The following MAN2A1 variants were observed in gnomAD, a reference collection of about 807,000 sequenced individuals.
MAN2A1 encodes the protein alpha-mannosidase 2.
Under a neutral mutation model 142.6 loss-of-function variants are expected in MAN2A1, and 76 were observed. The observed-to-expected ratio is 0.53, with a 90% CI of 0.44 to 0.65. The LOEUF (loss-of-function observed/expected upper bound fraction) is 0.65. Ranked by LOEUF, MAN2A1 falls within the 30% of genes least tolerant of loss-of-function variation. MAN2A1 has a pLI of 0.00. For missense variants in MAN2A1, 1,311 were observed against 1,365.1 expected, an observed-to-expected ratio of 0.96 and a Z score of 0.62; for synonymous variants, 559 against 473.2, an observed-to-expected ratio of 1.18 and a Z score of -2.35.
intron 12 of MAN2A1, among the ~76,000 whole-genome samples, chr5:109,790,515 A>C (rs980323861): frequency 2.6e-5 from 4 of 151,992 alleles, no homozygotes; most frequent in Non-Finnish European, 5.9e-5. Flanking sequence ...GTAACACGGC[A>C]GAAGCCTTAG....
chr5:109,822,800 C>T (rs953510491), intron 15 of MAN2A1, among the ~76,000 whole-genome samples: 8 of 152,082 alleles, frequency 5.3e-5, no homozygotes, highest in African/African-American at 1.9e-4. Flanking sequence ...GCCTCAGCCT[C>T]CCGAGTAGCT....
At position 109,865,115 on chromosome 5, in the gene MAN2A1, C is replaced by T. The variant is rs774140890; in HGVS notation, c.3251C>T (p.Thr1084Ile). 1.2e-6 allele frequency: 2 copies of T among 1,613,988 alleles called. No individual in the cohort carries two copies. Among genetic ancestry groups the T allele is most frequent in the Non-Finnish European group, 1.7e-6 (2 of 1,179,898 alleles). Reference sequence around the variant, plus strand: ...GATTGTCGGTTCTCTAGCAAAGGCACAGGGCTGTTTTGTTCTACTACTCAG... The same window carrying T: ...GATTGTCGGTTCTCTAGCAAAGGCATAGGGCTGTTTTGTTCTACTACTCAG... ...GFDCRFSSKG[T>I]GLFCSTTQGK... Residue 1084 changes from threonine (T) to isoleucine (I), a missense_variant, in exon 21 of 22, where the codon ACA becomes ATA. Thr to Ile is a moderately conservative substitution (Grantham distance 89). Around this residue, in one of 3 missense-constraint regions of MAN2A1, gnomAD observed 890 missense variants for 920.5 expected, o/e 0.97. Coordinates refer to ENST00000261483, the MANE Select transcript of MAN2A1 (RefSeq NM_002372.4).
At chr5:109,729,593 G>A (rs1244578803) in intron 4 of MAN2A1, 80 bp downstream of exon 4, 3 of 721,734 alleles carry the variant, frequency 4.2e-6, no homozygotes, top group Non-Finnish European at 6.3e-6. Flanking sequence ...TTTTTAGATG[G>A]TGAAAATTCT....
intron 15 of MAN2A1, among the ~76,000 whole-genome samples, chr5:109,822,928 C>T (rs1345171674): frequency 1.3e-5 from 2 of 152,154 alleles, no homozygotes; most frequent in Admixed American, 1.3e-4. Flanking sequence ...CCGCCCACCT[C>T]GGCCTCCCAA....
chr5:109,804,174 A>G, intron 12 of MAN2A1: 1 of 987,422 alleles, frequency 1.0e-6, no homozygotes, highest in Non-Finnish European at 1.2e-6. Context: ...CGTGCACAAC[A>G]AGAGGAACAA....
intron 20 of MAN2A1, among the ~76,000 whole-genome samples, chr5:109,857,844 G>T (rs1021840766): frequency 6.6e-6 from 1 of 152,106 alleles, no homozygotes; most frequent in African/African-American, 2.4e-5. Flanking sequence ...GTTGCTCTTC[G>T]TGCCTTTGGA....
At chr5:109,767,045 T>C (rs997422370) in intron 5 of MAN2A1, among the ~76,000 whole-genome samples, 1 of 152,134 alleles carries the variant, frequency 6.6e-6, no homozygotes, top group Non-Finnish European at 1.5e-5. Context: ...CATAAGATGA[T>C]TTGGGGCTTT....
chr5:109,717,868 A>G (rs1280265175), intron 3 of MAN2A1, among the ~76,000 whole-genome samples: 1 of 152,182 alleles, frequency 6.6e-6, no homozygotes, highest in East Asian at 1.9e-4. Flanking sequence ...TTTCTTTGCT[A>G]TTTATTCACT....
intron 12 of MAN2A1, among the ~76,000 whole-genome samples, chr5:109,790,354 A>C (rs1753706309): frequency 1.3e-5 from 2 of 151,964 alleles, no homozygotes; most frequent in South Asian, 4.1e-4. Flanking sequence ...AAGAATTTAT[A>C]GTTGCTAGTA....
At chr5:109,812,956 T>C (rs1754357532) in intron 12 of MAN2A1, among the ~76,000 whole-genome samples, 1 of 152,186 alleles carries the variant, frequency 6.6e-6, no homozygotes, top group South Asian at 2.1e-4. Context: ...TGCCTTTTGG[T>C]GTTTGCTTAA....
At chr5:109,804,445 AAT>A (rs1442229225) in intron 12 of MAN2A1, among the ~76,000 whole-genome samples, 18 of 152,036 alleles carry the variant, frequency 1.2e-4, no homozygotes, top group African/African-American at 4.3e-4. Flanking sequence ...GTAGGTACTT[AAT>A]ATATACTCAA....
At chr5:109,703,416 C>G (rs1473816545) in intron 1 of MAN2A1, among the ~76,000 whole-genome samples, 1 of 152,094 alleles carries the variant, frequency 6.6e-6, no homozygotes, top group African/African-American at 2.4e-5. Flanking sequence ...GCAACCATTG[C>G]CTATATGATG....
chr5:109,737,034 A>C (rs1582842016), intron 4 of MAN2A1, among the ~76,000 whole-genome samples: 2 of 150,494 alleles, frequency 1.3e-5, no homozygotes, highest in East Asian at 3.9e-4. Flanking sequence ...TTTCCCAGTT[A>C]TACTTTATTA....
rs561130140 is a variant in MAN2A1 at position 109,775,974 on chromosome 5, C to T, written c.1374+1009C>T. 4.6e-5 allele frequency among the ~76,000 whole-genome samples: 7 copies of T among 151,752 alleles called. No homozygotes were observed. The South Asian group carries it at 8.3e-4, about 18-fold the overall frequency. ...GGACACCTATGAATTTTGATACATG[C>T]GGAGAATGTATAATGATCAAATCAG... On this transcript the variant is annotated intron_variant, in intron 8 of 21. Transcript: ENST00000261483.
Position 109,845,682 on chromosome 5 carries a change from A to G in MAN2A1, c.2701-183A>G, listed in dbSNP as rs531295089. Among the ~76,000 whole-genome samples the G allele has an allele frequency of 5.9e-5, 9 of 152,276 alleles. No homozygotes were observed. In the South Asian group the frequency reaches 1.9e-3, roughly 32 times the overall value. ...TTTCCCACCTAAAAGTTGTTTTCTA[A>G]TATCCTTGTGGTTTTTCTTCATATT... On this transcript the variant is annotated intron_variant, in intron 17 of 21. Transcript: ENST00000261483.
At chr5:109,727,165 G>A (rs1328883627) in intron 3 of MAN2A1, among the ~76,000 whole-genome samples, 1 of 152,134 alleles carries the variant, frequency 6.6e-6, no homozygotes, top group Non-Finnish European at 1.5e-5. Context: ...GGCTGAATAA[G>A]TTTGCTAGGG....
At chr5:109,863,256 G>T (rs1425078248) in intron 20 of MAN2A1, 3 of 152,202 alleles carry the variant, frequency 2.0e-5, no homozygotes, top group Non-Finnish European at 2.9e-5. Context: ...TAATTTAGGA[G>T]TTCCCTGAGT....
intron 8 of MAN2A1, among the ~76,000 whole-genome samples, chr5:109,775,689 A>G (rs1753270929): frequency 6.6e-6 from 1 of 152,106 alleles, no homozygotes; most frequent in Non-Finnish European, 1.5e-5. Flanking sequence ...TCACCTGTAA[A>G]TATTTCAGTA....
Position 109,788,797 on chromosome 5 carries a change from T to G in MAN2A1, c.1761-137T>G, listed in dbSNP as rs889166000. ...GTTCTAGGGGAAAAAAGAGCAGGTT[T>G]GTCATAGATTCATTATAGGTTTCAC... On this transcript the variant is annotated intron_variant, in intron 10 of 21. Transcript: ENST00000261483. 5.3e-6 allele frequency: 3 copies of G among 564,684 alleles called. No homozygotes were observed. In the African/African-American group the frequency reaches 5.8e-5, roughly 11 times the overall value. 35.0% of individuals were successfully genotyped at this position (564,684 alleles called of 1,614,324 possible). A position where few individuals can be genotyped will look rare whatever the true frequency, so the allele number is the denominator to read the frequency against.
Sources: allele counts gnomAD v4.1 joint callset (sites outside exome capture counted in the v4.1 genomes callset), GRCh38; gene constraint gnomAD v4.1.1; regional missense constraint gnomAD v4.1.1; transcripts MANE v1.5; gene names NCBI Gene and HGNC (gene_info 2026-07-23, HGNC 2026-07-21).